The following PCDHA4 variants were observed in gnomAD, a reference collection of about 807,000 sequenced individuals.
The protein encoded by PCDHA4 is protocadherin alpha-4.
A neutral mutation model predicts 61.4 loss-of-function variants in PCDHA4; 49 were observed. That is an observed-to-expected ratio of 0.80 (90% CI 0.63 to 1.01). The LOEUF (loss-of-function observed/expected upper bound fraction) is 1.01, where lower values mean the gene tolerates loss of function less well. Ranked by LOEUF, PCDHA4 falls within the 50% of genes least tolerant of loss-of-function variation. The pLI, the probability that PCDHA4 is intolerant of heterozygous loss-of-function variation, is 0.00. For synonymous variants in PCDHA4, 590 were observed against 550.3 expected (o/e 1.07, Z -1.01); for missense variants, 1,254 against 1,235.8 (o/e 1.01, Z -0.22).
chr5:140,930,794 T>G (rs2087114829), intron 1 of PCDHA4, among the ~76,000 whole-genome samples: 1 of 152,200 alleles, frequency 6.6e-6, no homozygotes, highest in Non-Finnish European at 1.5e-5. Context: ...TATAATAGAA[T>G]CCAGCATATA....
chr5:140,992,070 GA>G (rs1554252639), intron 3 of PCDHA4, among the ~76,000 whole-genome samples: 1 of 151,052 alleles, frequency 6.6e-6, no homozygotes, highest in Non-Finnish European at 1.5e-5. Context: ...AATTTCAGTA[GA>G]GAATGAGCTA....
intron 1 of PCDHA4, among the ~76,000 whole-genome samples, chr5:140,919,300 C>A (rs547709389): frequency 6.6e-6 from 1 of 152,248 alleles, no homozygotes; most frequent in African/African-American, 2.4e-5. Flanking sequence ...GCTGTTTGTA[C>A]AATATATGTT....
intron 1 of PCDHA4, chr5:140,834,285 A>G: frequency 8.5e-7 from 1 of 1,171,912 alleles, no homozygotes; most frequent in South Asian, 1.5e-5. Context: ...TGGATGCACA[A>G]CAATGGCCAC....
intron 1 of PCDHA4, chr5:140,856,002 G>C: frequency 6.5e-7 from 1 of 1,534,758 alleles, no homozygotes; most frequent in South Asian, 1.2e-5. Context: ...TCGTATGTGC[G>C]TTCTAGACCG....
Position 140,809,381 on chromosome 5 carries a change from T to A in PCDHA4, c.2194T>A (p.Cys732Ser). 1 of 1,613,878 alleles carries A rather than the reference T, an allele frequency of 6.2e-7. No homozygotes were observed. Among genetic ancestry groups the A allele is most frequent in the East Asian group, 2.2e-5 (1 of 44,870 alleles). ...RCSALPTEGA[C>S]APGKPTLVCS... Reference sequence around the variant, plus strand: ...CTCTGCGCTGCCCACCGAGGGCGCGTGCGCTCCGGGCAAGCCCACGCTGGT... The same window carrying A: ...CTCTGCGCTGCCCACCGAGGGCGCGAGCGCTCCGGGCAAGCCCACGCTGGT... Residue 732 changes from cysteine (C) to serine (S), a missense_variant, in exon 1 of 4, where the codon TGC becomes AGC. Physicochemically the swap from Cys to Ser is moderately radical, Grantham distance 112. Transcript: ENST00000530339.
At chr5:140,827,522 A>G (rs1769311626) in intron 1 of PCDHA4, among the ~76,000 whole-genome samples, 2 of 151,350 alleles carry the variant, frequency 1.3e-5, no homozygotes. Flanking sequence ...TAAAAATTCA[A>G]CCAAAATTTG....
chr5:140,925,721 T>C lies in PCDHA4; in HGVS notation c.2386-53228T>C, dbSNP rs1360748997. Among the ~76,000 whole-genome samples the C allele has an allele frequency of 3.3e-5, 5 of 151,692 alleles. No individual in the cohort carries two copies. In the East Asian group the frequency reaches 7.7e-4, roughly 23 times the overall value. ...AGCCTATTCTTATCCTGCCTCATGG[T>C]GTTTTCTAAATATTTACAGAAAGAA... On this transcript the variant is annotated intron_variant, in intron 1 of 3. Transcript: ENST00000530339.
chr5:140,823,254 G>A (rs61730630), intron 1 of PCDHA4: 1 of 1,613,288 alleles, frequency 6.2e-7, no homozygotes, highest in Non-Finnish European at 8.5e-7. Flanking sequence ...CCTACTCGCT[G>A]GTGGAGCGGC....
chr5:140,983,754 A>T (rs2097065978), intron 3 of PCDHA4, among the ~76,000 whole-genome samples: 3 of 152,210 alleles, frequency 2.0e-5, no homozygotes. Flanking sequence ...AATCCATTCA[A>T]ATTCAAATAC....
chr5:140,853,402 A>C, intron 1 of PCDHA4: 1 of 986,360 alleles, frequency 1.0e-6, no homozygotes, highest in Non-Finnish European at 1.2e-6. Context: ...CAAGTTCAAA[A>C]CAGAGAGGTG....
intron 1 of PCDHA4, among the ~76,000 whole-genome samples, chr5:140,923,950 C>A (rs544576500): frequency 6.6e-6 from 1 of 152,148 alleles, no homozygotes; most frequent in Non-Finnish European, 1.5e-5. Context: ...TTTTTCCTCA[C>A]GCCCTAATCT....
chr5:140,972,661 T>C, intron 1 of PCDHA4, among the ~76,000 whole-genome samples: 1 of 48,668 alleles, frequency 2.1e-5, no homozygotes, highest in South Asian at 6.9e-4. Flanking sequence ...AGAAACCAAA[T>C]TTTTTTTTTT....
rs1007978772 is a variant in PCDHA4 at position 140,843,987 on chromosome 5, G to C, written c.2385+34415G>C. 1.2e-4 allele frequency among the ~76,000 whole-genome samples: 18 copies of C among 149,540 alleles called. 1 individual carries two copies. Among genetic ancestry groups the C allele is most frequent in the African/African-American group, 4.2e-4 (17 of 40,920 alleles). On this transcript the variant is annotated intron_variant, in intron 1 of 3. Transcript: ENST00000530339. ...ATTTATTTTGGCCTGCCTTACAGCCGTCTTCTCTGAACAATACTCTAAGGA... is the reference window on the plus strand; with the variant it reads ...ATTTATTTTGGCCTGCCTTACAGCCCTCTTCTCTGAACAATACTCTAAGGA...
At chr5:140,941,553 G>T in intron 1 of PCDHA4, among the ~76,000 whole-genome samples, 1 of 151,656 alleles carries the variant, frequency 6.6e-6, no homozygotes, top group East Asian at 2.0e-4. Context: ...CTGACCTCGT[G>T]ATCCATTCGC....
intron 1 of PCDHA4, chr5:140,875,357 C>T: frequency 1.4e-6 from 2 of 1,446,712 alleles, no homozygotes; most frequent in South Asian, 1.5e-5. Flanking sequence ...GACTGTGATG[C>T]TGGAAAAAAT....
intron 1 of PCDHA4, chr5:140,929,043 C>T: frequency 6.2e-7 from 1 of 1,614,196 alleles, no homozygotes; most frequent in South Asian, 1.1e-5. Flanking sequence ...GCGCTCAGAG[C>T]TGCTGTCGCT....
intron 1 of PCDHA4, chr5:140,848,990 C>T (rs2150428004): frequency 4.4e-6 from 7 of 1,597,248 alleles, no homozygotes; most frequent in Middle Eastern, 1.7e-4. Flanking sequence ...TCGGGGAGAA[C>T]GCCCTGCTCA....
chr5:140,856,202 G>A lies in PCDHA4; in HGVS notation c.2385+46630G>A, dbSNP rs150172685. On this transcript the variant is annotated intron_variant, in intron 1 of 3. Coordinates refer to ENST00000530339, the MANE Select transcript of PCDHA4 (RefSeq NM_018907.4). The stretch of plus-strand genomic sequence containing the variant: ...CGTGGGCCGCATCGCGCAGGACCTG[G>A]GGCTGGAGCTGGCGGAGCTGGTGCA... 2,025 of 1,598,130 alleles carry A rather than the reference G, an allele frequency of 1.3e-3. 175 individuals carry two copies. Among genetic ancestry groups the A allele is most frequent in the Non-Finnish European group, 1.6e-3 (1,906 of 1,167,884 alleles).
At chr5:141,002,550 G>A (rs1458455103) in intron 3 of PCDHA4, among the ~76,000 whole-genome samples, 1 of 152,186 alleles carries the variant, frequency 6.6e-6, no homozygotes, top group African/African-American at 2.4e-5. Context: ...TGAGTCCCAG[G>A]ATCCACCAGT....
Sources: gnomAD v4.1 joint callset for allele counts (sites outside exome capture counted in the v4.1 genomes callset) on GRCh38, gnomAD v4.1.1 for gene constraint, MANE v1.5 for transcripts, NCBI Gene and HGNC (gene_info 2026-07-23, HGNC 2026-07-21) for gene names.